Variants in NR3C2 observed in about 807,000 individuals in gnomAD.
The protein encoded by NR3C2 is mineralocorticoid receptor.
Under a neutral mutation model 86.4 loss-of-function variants are expected in NR3C2, and 15 were observed. The observed-to-expected ratio is 0.17, with a 90% CI of 0.12 to 0.27. The LOEUF (loss-of-function observed/expected upper bound fraction) is 0.27. Ranked by LOEUF, NR3C2 falls within the 10% of genes least tolerant of loss-of-function variation. The pLI is 1.00. For missense variants in NR3C2, 960 were observed against 1,195.6 expected, an observed-to-expected ratio of 0.80 and a Z score of 2.91; for synonymous variants, 458 against 450.5, an observed-to-expected ratio of 1.02 and a Z score of -0.21.
chr4:148,291,544 T>C (rs1383429043), intron 2 of NR3C2, among the ~76,000 whole-genome samples: 4 of 152,098 alleles, frequency 2.6e-5, no homozygotes, highest in African/African-American at 9.6e-5. Context: ...TGAAATCCAA[T>C]TCTCTTTCAT....
intron 2 of NR3C2, among the ~76,000 whole-genome samples, chr4:148,390,201 T>A (rs1747472850): frequency 6.9e-6 from 1 of 144,752 alleles, no homozygotes; most frequent in African/African-American, 2.6e-5. Context: ...AAAAAAAGTC[T>A]GCGGGAAATA....
At chr4:148,318,642 T>C (rs1743360372) in intron 2 of NR3C2, among the ~76,000 whole-genome samples, 1 of 152,254 alleles carries the variant, frequency 6.6e-6, no homozygotes, top group Non-Finnish European at 1.5e-5. Context: ...ATGAGCATTT[T>C]TTCATGTGTT....
chr4:148,282,878 C>T (rs113853896), intron 2 of NR3C2, among the ~76,000 whole-genome samples: 14 of 152,120 alleles, frequency 9.2e-5, no homozygotes, highest in Admixed American at 3.3e-4. Flanking sequence ...CAGAGTGGGC[C>T]TTACTGGACT....
intron 4 of NR3C2, among the ~76,000 whole-genome samples, chr4:148,187,666 CTT>C (rs1191058336): frequency 6.6e-6 from 1 of 151,714 alleles, no homozygotes; most frequent in Admixed American, 6.6e-5. Flanking sequence ...TGCTGACTCT[CTT>C]GTCTGTTTAC....
intron 6 of NR3C2, among the ~76,000 whole-genome samples, chr4:148,137,480 G>A (rs1220074136): frequency 6.6e-6 from 1 of 152,154 alleles, no homozygotes; most frequent in African/African-American, 2.4e-5. Context: ...GGTAGGCTCT[G>A]TAAGTATTTT....
chr4:148,123,015 A>T, intron 6 of NR3C2, among the ~76,000 whole-genome samples: 1 of 152,222 alleles, frequency 6.6e-6, no homozygotes, highest in Non-Finnish European at 1.5e-5. Context: ...AGAGCCTATA[A>T]ACAGACGTGC....
At chr4:148,190,584 T>C (rs997891954) in intron 4 of NR3C2, among the ~76,000 whole-genome samples, 1 of 152,240 alleles carries the variant, frequency 6.6e-6, no homozygotes, top group Non-Finnish European at 1.5e-5. Flanking sequence ...CCATTGTTTC[T>C]TTGTTGACTT....
At chr4:148,141,793 G>A (rs563017225) in intron 6 of NR3C2, among the ~76,000 whole-genome samples, 1 of 152,138 alleles carries the variant, frequency 6.6e-6, no homozygotes, top group Non-Finnish European at 1.5e-5. Context: ...GCACATGAGG[G>A]ATCTAGGCTG....
intron 3 of NR3C2, among the ~76,000 whole-genome samples, chr4:148,202,086 A>G (rs1736750119): frequency 6.6e-6 from 1 of 152,240 alleles, no homozygotes; most frequent in Non-Finnish European, 1.5e-5. Context: ...GTTTTAAAAA[A>G]CTGACTTATC....
At chr4:148,312,508 T>C (rs1406927753) in intron 2 of NR3C2, among the ~76,000 whole-genome samples, 2 of 152,214 alleles carry the variant, frequency 1.3e-5, no homozygotes, top group African/African-American at 4.8e-5. Flanking sequence ...TCTGTCTGAC[T>C]CTGCTATGGA....
At chr4:148,118,873 G>A (rs1021092001) in intron 7 of NR3C2, among the ~76,000 whole-genome samples, 5 of 152,094 alleles carry the variant, frequency 3.3e-5, no homozygotes, top group African/African-American at 1.2e-4. Context: ...ACTTGCTCCT[G>A]TCTATCATAC....
intron 2 of NR3C2, among the ~76,000 whole-genome samples, chr4:148,383,378 C>T (rs1747097207): frequency 6.6e-6 from 1 of 152,014 alleles, no homozygotes; most frequent in Non-Finnish European, 1.5e-5. Context: ...TTTGTAGTAC[C>T]CTAGAAATCT....
chr4:148,145,751 CAT>C (rs1464085784), intron 6 of NR3C2, among the ~76,000 whole-genome samples: 1 of 152,080 alleles, frequency 6.6e-6, no homozygotes, highest in African/African-American at 2.4e-5. Context: ...CCTGGTTTTT[CAT>C]AGAGTCCAAC....
chr4:148,226,671 T>C (rs3910044), intron 3 of NR3C2, among the ~76,000 whole-genome samples: 85,460 of 151,948 alleles, frequency 0.56, 24,292 homozygotes, highest in Middle Eastern at 0.64. Context: ...TATTTGCTAA[T>C]GTGGTTGTGC....
chr4:148,088,689 G>A, intron 8 of NR3C2, among the ~76,000 whole-genome samples: 1 of 140,970 alleles, frequency 7.1e-6, no homozygotes, highest in Admixed American at 7.4e-5. Flanking sequence ...ACAGGGAGGG[G>A]AACATCACAC....
intron 8 of NR3C2, among the ~76,000 whole-genome samples, chr4:148,101,709 TG>T (rs1464374486): frequency 6.6e-6 from 1 of 152,228 alleles, no homozygotes; most frequent in African/African-American, 2.4e-5. Context: ...GTTAAGCTGA[TG>T]GGATTTCTTA....
rs1034325665 is a variant in NR3C2 at position 148,442,337 on chromosome 4, C to A, written c.-180G>T. On this transcript the variant is annotated 5_prime_UTR_variant, in exon 1 of 9. Transcript: ENST00000358102. ...TCTTGCACCCAGGTGACTGACTGCA[C>A]GGGCTTCCTCTGAGCAGCCTGAAGT... 3.3e-5 allele frequency: 5 copies of A among 152,436 alleles called. No individual in the cohort carries two copies. Among genetic ancestry groups the A allele is most frequent in the Admixed American group, 3.3e-4 (5 of 15,290 alleles). 9.4% of individuals were successfully genotyped at this position (152,436 alleles called of 1,614,324 possible).
intron 3 of NR3C2, among the ~76,000 whole-genome samples, chr4:148,236,602 A>C (rs1400519976): frequency 6.6e-6 from 1 of 152,198 alleles, no homozygotes; most frequent in African/African-American, 2.4e-5. Flanking sequence ...GAGAATTTAC[A>C]ATCACTAATA....
chr4:148,371,271 T>C (rs550972341), intron 2 of NR3C2, among the ~76,000 whole-genome samples: 1 of 152,204 alleles, frequency 6.6e-6, no homozygotes, highest in South Asian at 2.1e-4. Flanking sequence ...AAATACTAGG[T>C]CTTATTCATT....
Sources: allele counts gnomAD v4.1 joint callset (sites outside exome capture counted in the v4.1 genomes callset), GRCh38; gene constraint gnomAD v4.1.1; transcripts MANE v1.5; gene names NCBI Gene and HGNC (gene_info 2026-07-23, HGNC 2026-07-21).